FAM120B: variants seen among roughly 807,000 people sequenced by gnomAD.
FAM120B encodes the protein family with sequence similarity 120 member B, also known as constitutive coactivator of peroxisome proliferator-activated receptor gamma.
FAM120B carries 83 observed loss-of-function variants against 96.3 expected under a neutral mutation model. The ratio of observed to expected loss-of-function variants is 0.86; its 90% CI spans 0.72 to 1.03. The LOEUF (loss-of-function observed/expected upper bound fraction) is 1.03. Ranked by LOEUF, FAM120B falls within the 50% of genes least tolerant of loss-of-function variation. The probability of loss-of-function intolerance (pLI) is 0.00; values close to 1 mark genes in which losing one functional copy is unlikely to be tolerated. For synonymous variants in FAM120B, 407 were observed against 402.7 expected, an observed-to-expected ratio of 1.01 and a Z score of -0.13; for missense variants, 1,027 against 1,121.2, an observed-to-expected ratio of 0.92 and a Z score of 1.20.
intron 6 of FAM120B, among the ~76,000 whole-genome samples, chr6:170,362,837 A>G (rs755352333): frequency 7.3e-5 from 11 of 151,286 alleles, no homozygotes; most frequent in Non-Finnish European, 1.3e-4. Context: ...GCACACCACC[A>G]TGCCTAGGTA....
intron 3 of FAM120B, among the ~76,000 whole-genome samples, chr6:170,329,536 C>A (rs1049578240): frequency 6.6e-6 from 1 of 152,134 alleles, no homozygotes; most frequent in Non-Finnish European, 1.5e-5. Flanking sequence ...ATCACAGGTG[C>A]TGATAATGCC....
At chr6:170,346,339 A>G (rs1230845170) in intron 4 of FAM120B, among the ~76,000 whole-genome samples, 1 of 152,150 alleles carries the variant, frequency 6.6e-6, no homozygotes, top group East Asian at 1.9e-4. Context: ...GGAAACTTGT[A>G]TTTCAGAATA....
At chr6:170,369,968 A>T (rs1789075335) in intron 6 of FAM120B, among the ~76,000 whole-genome samples, 1 of 152,218 alleles carries the variant, frequency 6.6e-6, no homozygotes, top group Non-Finnish European at 1.5e-5. Flanking sequence ...GTGAATAAGA[A>T]TCTTTCACAT....
At position 170,306,775 on chromosome 6, in the gene FAM120B, C is replaced by G. The variant is rs1017731642; in HGVS notation, c.-89C>G. 1.3e-5 allele frequency: 2 copies of G among 152,728 alleles called. No individual in the cohort carries two copies. The highest frequency in any genetic ancestry group is 4.9e-5 in the African/African-American group (2 of 40,906). The allele number at this position is 152,728 out of a possible 1,614,324, so 9.5% of individuals were successfully genotyped here. On this transcript the variant is annotated 5_prime_UTR_variant, in exon 1 of 11. Transcript: ENST00000476287. ...GCGGAAGTGAACGAGGCGGCTGTGG[C>G]GGTGGCTGAGGCGGCTGGGCCTAGG...
chr6:170,341,082 A>G (rs1358346050), intron 4 of FAM120B, among the ~76,000 whole-genome samples: 1 of 152,340 alleles, frequency 6.6e-6, no homozygotes, highest in East Asian at 1.9e-4. Context: ...AGGAACGTTT[A>G]AGTCCACTGA....
intron 6 of FAM120B, among the ~76,000 whole-genome samples, chr6:170,378,271 C>A (rs1327285160): frequency 2.0e-5 from 3 of 152,090 alleles, no homozygotes; most frequent in Non-Finnish European, 4.4e-5. Context: ...TCTAAGTTTT[C>A]TTTCTATAAG....
Position 170,318,205 on chromosome 6 carries a change from C to G in FAM120B, c.815C>G (p.Ser272Trp), listed in dbSNP as rs754445368. Residue 272 changes from serine to tryptophan, a missense_variant, in exon 2 of 11, where the codon TCG (serine) becomes TGG (tryptophan). This residue lies in a region of FAM120B where 880 missense variants were observed against 980.9 expected (regional missense o/e 0.90). Coordinates refer to ENST00000476287, the MANE Select transcript of FAM120B (RefSeq NM_032448.3). The stretch of plus-strand genomic sequence containing the variant: ...ATATTAGCTGTGTCAGACCATATAT[C>G]GAAAGTTCTTTACTTGTATCAAGGT... ...NIILAVSDHISKVLYLYQGEK... is the reference protein window; with the variant it reads ...NIILAVSDHIWKVLYLYQGEK... The G allele has an allele frequency of 1.9e-6, 3 of 1,613,822 alleles. No homozygotes were observed. The highest frequency in any genetic ancestry group is 1.7e-5 in the Admixed American group (1 of 59,946).
At chr6:170,303,549 C>T (rs1784186935), upstream of FAM120B, among the ~76,000 whole-genome samples, 1 of 152,196 alleles carries the variant, frequency 6.6e-6, no homozygotes. Context: ...GCCTTATGCT[C>T]ATATTTTCTA....
At chr6:170,327,907 C>G (rs1365067953) in intron 3 of FAM120B, among the ~76,000 whole-genome samples, 4 of 151,764 alleles carry the variant, frequency 2.6e-5, no homozygotes, top group Non-Finnish European at 5.9e-5. Flanking sequence ...TTTACACACA[C>G]TGCACACGCA....
intron 9 of FAM120B, among the ~76,000 whole-genome samples, chr6:170,396,854 CA>C (rs1165587374): frequency 6.6e-6 from 1 of 152,218 alleles, no homozygotes; most frequent in Non-Finnish European, 1.5e-5. Context: ...AACCCAAAAA[CA>C]ATGGGAGGGG....
intron 6 of FAM120B, among the ~76,000 whole-genome samples, chr6:170,380,946 T>C (rs928995961): frequency 6.6e-6 from 1 of 152,224 alleles, no homozygotes; most frequent in Admixed American, 6.5e-5. Flanking sequence ...ATTTTGGAGC[T>C]GCCTCCAGGA....
chr6:170,330,327 A>G lies in FAM120B; in HGVS notation c.1916-122A>G, dbSNP rs1282808347. 5 of 652,756 alleles carry G rather than the reference A, an allele frequency of 7.7e-6. No individual in the cohort carries two copies. In the East Asian group the frequency reaches 1.1e-4, roughly 14 times the overall value. The allele number at this position is 652,756 out of a possible 1,614,324, so 40.4% of individuals were successfully genotyped here. A position where few individuals can be genotyped will look rare whatever the true frequency, so the allele number is the denominator to read the frequency against. On this transcript the variant is annotated intron_variant, in intron 3 of 10. Coordinates refer to ENST00000476287, the MANE Select transcript of FAM120B (RefSeq NM_032448.3). ...ATTGTTGGATAACTTAAGGTTACTC[A>G]GTCACCTTGGATTTGAGAGCTCACC...
intron 6 of FAM120B, among the ~76,000 whole-genome samples, chr6:170,362,974 C>G (rs1470872702): frequency 1.3e-5 from 2 of 152,132 alleles, no homozygotes; most frequent in African/African-American, 4.8e-5. Flanking sequence ...CAGGAGCCAC[C>G]ACCGTGGCAA....
In FAM120B at chr6:170,322,966, A is replaced by C. The variant is rs548504885; in HGVS notation, c.1735-113A>C. 10 of 844,332 alleles carry C rather than the reference A, an allele frequency of 1.2e-5. No individual in the cohort carries two copies. The South Asian group carries it at 1.8e-4, about 15-fold the overall frequency. The allele number at this position is 844,332 out of a possible 1,614,324, so 52.3% of individuals were successfully genotyped here. A position where few individuals can be genotyped will look rare whatever the true frequency, so the allele number is the denominator to read the frequency against. ...TGTCATGAATTTCAGGGTCAGTTAC[A>C]TTTCTGAGGGCCTTAAAAAACTGGC... On this transcript the variant is annotated intron_variant, in intron 2 of 10. Transcript: ENST00000476287.
chr6:170,397,735 A>G (rs997879127), intron 9 of FAM120B, among the ~76,000 whole-genome samples: 15 of 152,070 alleles, frequency 9.9e-5, no homozygotes, highest in African/African-American at 3.4e-4. Context: ...ATCCATCCAC[A>G]CCTTCCCACC....
intron 5 of FAM120B, 39 bp downstream of exon 5, chr6:170,348,362 G>C: frequency 6.3e-7 from 1 of 1,591,206 alleles, no homozygotes; most frequent in Non-Finnish European, 8.6e-7. Context: ...TGCAGCCTGC[G>C]CTTACTTTAT....
At chr6:170,354,878 G>A (rs139674133) in intron 5 of FAM120B, among the ~76,000 whole-genome samples, 12,514 of 152,116 alleles carry the variant, frequency 0.082, 648 homozygotes, top group African/African-American at 0.14. Context: ...GCAGTGAGCC[G>A]AGATCGTGCC....
chr6:170,395,708 A>T, intron 9 of FAM120B, 129 bp downstream of exon 9: 1 of 642,528 alleles, frequency 1.6e-6, no homozygotes, highest in South Asian at 1.9e-5. Context: ...ACAGATAAAT[A>T]TACCAATGCA....
At chr6:170,383,731 G>A (rs150272152) in intron 6 of FAM120B, among the ~76,000 whole-genome samples, 24 of 152,274 alleles carry the variant, frequency 1.6e-4, no homozygotes, top group African/African-American at 5.5e-4. Flanking sequence ...CAGTTTGGCC[G>A]TTTCTTAAAA....
Sources: allele counts gnomAD v4.1 joint callset (sites outside exome capture counted in the v4.1 genomes callset), GRCh38; gene constraint gnomAD v4.1.1; regional missense constraint gnomAD v4.1.1; transcripts MANE v1.5; gene names NCBI Gene and HGNC (gene_info 2026-07-23, HGNC 2026-07-21).